TECRL: variants seen among roughly 807,000 people sequenced by gnomAD.
The protein encoded by TECRL is trans-2,3-enoyl-CoA reductase-like.
TECRL carries 63 observed loss-of-function variants against 52.8 expected under a neutral mutation model. That is an observed-to-expected ratio of 1.19 (90% CI 0.97 to 1.47). The LOEUF is 1.47. Among genes scored for constraint, TECRL ranks in the 40% most tolerant of loss-of-function variants. The pLI is 0.00. For synonymous variants in TECRL, 164 were observed against 141.9 expected (o/e 1.16, Z -1.10); for missense variants, 482 against 429.6 (o/e 1.12, Z -1.08).
intron 2 of TECRL, among the ~76,000 whole-genome samples, chr4:64,336,381 C>G (rs551142445): frequency 4.8e-4 from 73 of 152,160 alleles, no homozygotes; most frequent in African/African-American, 1.7e-3. Flanking sequence ...TTTTTTATTG[C>G]ATCTATTTGA....
At chr4:64,314,829 A>G (rs1717374031) in intron 4 of TECRL, 66 bp from the exon 5 acceptor site, 3 of 1,140,866 alleles carry the variant, frequency 2.6e-6, no homozygotes, top group Non-Finnish European at 2.6e-6. Context: ...ATTTGTGTCT[A>G]TGAGTATTAG....
intron 2 of TECRL, among the ~76,000 whole-genome samples, chr4:64,349,134 CGTT>C (rs144274061): frequency 0.68 from 93,508 of 137,776 alleles, 32,419 homozygotes; most frequent in Non-Finnish European, 0.76. Flanking sequence ...TTATAAAAAA[CGTT>C]TTTTTTTTTT....
In TECRL at chr4:64,309,741, G is replaced by A. The variant is rs114259848; in HGVS notation, c.657+85C>T. ...AATTAAACGTGAAAATCTAAGTTTC[G>A]GAAGGAAACAATGATTAAATATTTT... On this transcript the variant is annotated intron_variant, in intron 6 of 11. Coordinates refer to ENST00000381210, the MANE Select transcript of TECRL (RefSeq NM_001010874.5). 1.0e-3 allele frequency: 891 copies of A among 886,816 alleles called. 6 individuals carry two copies. The African/African-American group carries it at 0.013, about 13-fold the overall frequency. The allele number at this position is 886,816 out of a possible 1,614,324, so 54.9% of individuals were successfully genotyped here. A position where few individuals can be genotyped will look rare whatever the true frequency, so the allele number is the denominator to read the frequency against.
At chr4:64,347,648 G>T (rs1288613529) in intron 2 of TECRL, among the ~76,000 whole-genome samples, 9 of 152,028 alleles carry the variant, frequency 5.9e-5, no homozygotes, top group African/African-American at 1.9e-4. Flanking sequence ...ACGGGAAATT[G>T]CCATTTATAA....
At position 64,314,643 on chromosome 4, in the gene TECRL, C is replaced by T. The variant is rs1044688194; in HGVS notation, c.551+5G>A. The T allele has an allele frequency of 1.4e-6, 2 of 1,419,360 alleles. No homozygotes were observed. The highest frequency in any genetic ancestry group is 2.0e-6 in the Non-Finnish European group (2 of 1,007,122). The allele number at this position is 1,419,360 out of a possible 1,614,324, so 87.9% of individuals were successfully genotyped here. A position where few individuals can be genotyped will look rare whatever the true frequency, so the allele number is the denominator to read the frequency against. ...TGTGTGTGTGTGTGTGTGTGTATCA[C>T]TTACTGTACCACTGGGTGGCGTAAT... is the stretch of plus-strand genomic sequence containing the variant. On this transcript the variant is annotated splice_donor_5th_base_variant and intron_variant, in intron 5 of 11. Transcript: ENST00000381210.
chr4:64,313,465 T>C (rs1457485742), intron 5 of TECRL, among the ~76,000 whole-genome samples: 1 of 149,686 alleles, frequency 6.7e-6, no homozygotes, highest in Non-Finnish European at 1.5e-5. Context: ...ACTTTGTTTA[T>C]TGCCTTACTC....
rs114476990 is a variant in TECRL, at chr4:64,328,889, A to T, written c.287-333T>A. ...CAGTCTATGTAAGTTTTTCATCAAT[A>T]AAAAGCTTGAAAATATTTTATTTAA... On this transcript the variant is annotated intron_variant, in intron 2 of 11. Transcript: ENST00000381210. Among the ~76,000 whole-genome samples the T allele has an allele frequency of 6.3e-3, 965 of 152,080 alleles. 8 individuals carry two copies. Among genetic ancestry groups the T allele is most frequent in the African/African-American group, 0.022 (915 of 41,520 alleles).
chr4:64,367,504 C>T (rs796711824), intron 2 of TECRL, among the ~76,000 whole-genome samples: 5 of 152,134 alleles, frequency 3.3e-5, no homozygotes, highest in African/African-American at 1.2e-4. Flanking sequence ...ACACAAAATA[C>T]AAATACAAAA....
chr4:64,398,231 A>C (rs1477383196), intron 1 of TECRL, among the ~76,000 whole-genome samples: 1 of 152,110 alleles, frequency 6.6e-6, no homozygotes, highest in East Asian at 1.9e-4. Flanking sequence ...GGAAGGTTGT[A>C]TTTCTCAGGT....
chr4:64,298,503 C>A (rs575943022), intron 8 of TECRL, among the ~76,000 whole-genome samples: 1 of 151,000 alleles, frequency 6.6e-6, no homozygotes, highest in African/African-American at 2.4e-5. Flanking sequence ...AATATTATAA[C>A]ATATTTATAG....
At chr4:64,328,615 C>G in intron 2 of TECRL, 59 bp from the exon 3 acceptor site, 1 of 1,437,426 alleles carries the variant, frequency 7.0e-7, no homozygotes, top group East Asian at 2.3e-5. Context: ...GCTTATAAAA[C>G]TAACTGTTTC....
At chr4:64,399,399 G>T (rs1012547036) in intron 1 of TECRL, among the ~76,000 whole-genome samples, 16 of 152,166 alleles carry the variant, frequency 1.1e-4, no homozygotes, top group Admixed American at 3.3e-4. Context: ...AAAAAAAAGA[G>T]TTTTTTGAGA....
At chr4:64,381,629 A>G (rs935790381) in intron 1 of TECRL, among the ~76,000 whole-genome samples, 1 of 152,010 alleles carries the variant, frequency 6.6e-6, no homozygotes, top group African/African-American at 2.4e-5. Flanking sequence ...TAAATGTTTT[A>G]TCTGTATCTA....
chr4:64,361,457 C>T (rs748493434), intron 2 of TECRL, among the ~76,000 whole-genome samples: 3 of 152,084 alleles, frequency 2.0e-5, no homozygotes, highest in African/African-American at 7.2e-5. Context: ...TCATGCAGCC[C>T]CCATTGGAGT....
chr4:64,384,700 G>A (rs1475707856), intron 1 of TECRL, among the ~76,000 whole-genome samples: 2 of 152,086 alleles, frequency 1.3e-5, no homozygotes, highest in Non-Finnish European at 2.9e-5. Flanking sequence ...CCCCCTGATG[G>A]TGTGCATGGA....
intron 9 of TECRL, among the ~76,000 whole-genome samples, chr4:64,288,096 C>T (rs1723173992): frequency 6.6e-6 from 1 of 151,658 alleles, no homozygotes; most frequent in Non-Finnish European, 1.5e-5. Flanking sequence ...TTGCAGTGAG[C>T]CAAGATCACA....
chr4:64,375,377 TG>T (rs1275141906), intron 1 of TECRL, among the ~76,000 whole-genome samples, 154 bp from the exon 2 acceptor site: 2 of 151,926 alleles, frequency 1.3e-5, no homozygotes, highest in African/African-American at 4.8e-5. Flanking sequence ...TTGACAAGCT[TG>T]AAATGTTGCA....
At chr4:64,364,669 C>T (rs1577940336) in intron 2 of TECRL, among the ~76,000 whole-genome samples, 1 of 151,870 alleles carries the variant, frequency 6.6e-6, no homozygotes, top group South Asian at 2.1e-4. Context: ...TCGATAAATT[C>T]CTGGAAACAT....
At chr4:64,315,294 G>T (rs1202079901) in intron 4 of TECRL, among the ~76,000 whole-genome samples, 1 of 152,086 alleles carries the variant, frequency 6.6e-6, no homozygotes, top group African/African-American at 2.4e-5. Context: ...GAGTCTGGTT[G>T]TATGGTTAAA....
Sources: gnomAD v4.1 joint callset for allele counts (sites outside exome capture counted in the v4.1 genomes callset) on GRCh38, gnomAD v4.1.1 for gene constraint, MANE v1.5 for transcripts, NCBI Gene and HGNC (gene_info 2026-07-23, HGNC 2026-07-21) for gene names.